GABRB3: variants seen among roughly 807,000 people sequenced by gnomAD.
GABRB3 encodes gamma-aminobutyric acid receptor subunit beta-3.
In GABRB3, 14 loss-of-function variants were observed where a neutral mutation model predicts 52.1. That is an observed-to-expected ratio of 0.27 (90% CI 0.18 to 0.42). GABRB3 has a LOEUF of 0.42. Ranked by LOEUF, GABRB3 falls within the 10% of genes least tolerant of loss-of-function variation. GABRB3 has a pLI of 1.00. For missense variants in GABRB3, 307 were observed against 609.1 expected (o/e 0.50, Z 5.22); for synonymous variants, 260 against 232.3 (o/e 1.12, Z -1.08).
At chr15:26,609,171 T>A (rs887238753) in intron 4 of GABRB3, among the ~76,000 whole-genome samples, 3 of 150,812 alleles carry the variant, frequency 2.0e-5, no homozygotes, top group African/African-American at 7.4e-5. Context: ...AAGAAAAAAA[T>A]TTTGTCAGTT....
At chr15:26,735,331 C>T (rs1209700632) in intron 3 of GABRB3, among the ~76,000 whole-genome samples, 1 of 152,142 alleles carries the variant, frequency 6.6e-6, no homozygotes, top group East Asian at 1.9e-4. Flanking sequence ...AACAGTGTGG[C>T]CTTTATAAAG....
intron 3 of GABRB3, among the ~76,000 whole-genome samples, chr15:26,719,207 A>C (rs1889580573): frequency 6.6e-6 from 1 of 152,266 alleles, no homozygotes; most frequent in Non-Finnish European, 1.5e-5. Context: ...CGCTAGGCAC[A>C]TGGCAGGTGC....
chr15:26,729,968 C>A, intron 3 of GABRB3, among the ~76,000 whole-genome samples: 1 of 152,200 alleles, frequency 6.6e-6, no homozygotes, highest in East Asian at 1.9e-4. Context: ...AAGTTAGGTG[C>A]ATAAGAGATA....
chr15:26,738,714 C>G (rs531009334), intron 3 of GABRB3, among the ~76,000 whole-genome samples: 1 of 152,122 alleles, frequency 6.6e-6, no homozygotes, highest in African/African-American at 2.4e-5. Flanking sequence ...TCCCAGACAA[C>G]GTGTAACTTT....
intron 4 of GABRB3, among the ~76,000 whole-genome samples, chr15:26,597,531 A>G (rs895570752): frequency 1.3e-5 from 2 of 152,210 alleles, no homozygotes; most frequent in Admixed American, 6.5e-5. Context: ...TTGCACACAC[A>G]TGAGCTACAT....
chr15:26,624,677 C>T lies in GABRB3; in HGVS notation c.241-3143G>A, dbSNP rs190260761. ...AAAAAACAGTATGAAAATCCAAACC[C>T]GCTGCATGTGATCAGCCATGTATGG... On this transcript the variant is annotated intron_variant, in intron 3 of 8. Coordinates refer to ENST00000311550, the MANE Select transcript of GABRB3 (RefSeq NM_000814.6). 18 of 984,976 alleles carry T rather than the reference C, an allele frequency of 1.8e-5. No homozygotes were observed. In the Admixed American group the frequency reaches 4.9e-4, roughly 27 times the overall value. The allele number at this position is 984,976 out of a possible 1,614,324, so 61.0% of individuals were successfully genotyped here. A position where few individuals can be genotyped will look rare whatever the true frequency, so the allele number is the denominator to read the frequency against.
intron 3 of GABRB3, among the ~76,000 whole-genome samples, chr15:26,740,460 G>A (rs1361376380): frequency 1.3e-5 from 2 of 152,028 alleles, no homozygotes; most frequent in African/African-American, 4.8e-5. Context: ...CCTGGGGACT[G>A]GGCTGTGTTC....
In GABRB3 at chr15:26,694,885, C is replaced by T. The variant is rs529997296; in HGVS notation, c.241-73351G>A. ...ACTAAATAAGGATTGAAAGAAAATG[C>T]TAGAAACCAAAAACACTGTAACAGC... On this transcript the variant is annotated intron_variant, in intron 3 of 8. Coordinates refer to ENST00000311550, the MANE Select transcript of GABRB3 (RefSeq NM_000814.6). Among the ~76,000 whole-genome samples the T allele has an allele frequency of 2.0e-4, 31 of 152,176 alleles. No individual in the cohort carries two copies. In the South Asian group the frequency reaches 5.6e-3, roughly 27 times the overall value.
In GABRB3 at chr15:26,543,931, T is replaced by C. The variant is rs953584685; in HGVS notation, c.*3862A>G. ...GGGAATTTAGTATTTCAGGAAAACATGGCGCCTTTCAATGCAGTAGAAGAG... is the reference window on the plus strand; with the variant it reads ...GGGAATTTAGTATTTCAGGAAAACACGGCGCCTTTCAATGCAGTAGAAGAG... On this transcript the variant is annotated 3_prime_UTR_variant, in exon 9 of 9. Transcript: ENST00000311550. The C allele has an allele frequency of 1.3e-5, 2 of 152,612 alleles. No individual in the cohort carries two copies. The highest frequency in any genetic ancestry group is 2.9e-5 in the Non-Finnish European group (2 of 68,046). The allele number at this position is 152,612 out of a possible 1,614,324, so 9.5% of individuals were successfully genotyped here.
rs140316880 is a variant in GABRB3, at chr15:26,716,539, G to A, written c.240+55863C>T. The A allele has an allele frequency of 1.2e-3, 1,111 of 965,538 alleles. 16 individuals carry two copies. The African/African-American group carries it at 0.017, about 15-fold the overall frequency. The allele number at this position is 965,538 out of a possible 1,614,324, so 59.8% of individuals were successfully genotyped here. ...GCAATGTGTGCAAGTTCCCCAAGCAGGTCAAACCCATAAACCGTCTTCACC... is the reference window on the plus strand; with the variant it reads ...GCAATGTGTGCAAGTTCCCCAAGCAAGTCAAACCCATAAACCGTCTTCACC... On this transcript the variant is annotated intron_variant, in intron 3 of 8. Transcript: ENST00000311550.
intron 3 of GABRB3, among the ~76,000 whole-genome samples, chr15:26,719,180 C>A (rs967686228): frequency 2.6e-5 from 4 of 152,264 alleles, no homozygotes; most frequent in Non-Finnish European, 4.4e-5. Context: ...GCTCTGCATG[C>A]GAAGCATTTG....
At chr15:26,756,879 CT>C (rs1388576414) in intron 3 of GABRB3, among the ~76,000 whole-genome samples, 2 of 152,106 alleles carry the variant, frequency 1.3e-5, no homozygotes, top group East Asian at 3.9e-4. Context: ...CTGAAAACCC[CT>C]GGAGATTCTT....
intron 3 of GABRB3, among the ~76,000 whole-genome samples, chr15:26,733,234 TA>T (rs1426233413): frequency 6.6e-6 from 1 of 152,114 alleles, no homozygotes; most frequent in African/African-American, 2.4e-5. Flanking sequence ...GATGATATGA[TA>T]TTTTATGTAG....
At chr15:26,569,901 T>C (rs894100916) in intron 6 of GABRB3, among the ~76,000 whole-genome samples, 4 of 152,244 alleles carry the variant, frequency 2.6e-5, no homozygotes, top group African/African-American at 9.6e-5. Context: ...GTTCTCTATA[T>C]TTAATCTTGT....
In GABRB3 at chr15:26,686,845, T is replaced by C. The variant is rs1888422999; in HGVS notation, c.241-65311A>G. 2.0e-5 allele frequency among the ~76,000 whole-genome samples: 3 copies of C among 152,224 alleles called. No homozygotes were observed. The South Asian group carries it at 6.2e-4, about 31-fold the overall frequency. On this transcript the variant is annotated intron_variant, in intron 3 of 8. Transcript: ENST00000311550. ...CAAAGTCTGCTTTGGAAGGAATATA[T>C]TTAACAGAAGCTCTACCTAGAGTGT...
Position 26,583,409 on chromosome 15 carries a change from G to A in GABRB3, c.467C>T (p.Thr156Ile), listed in dbSNP as rs78196007. ...GTCCATCATGCATGCTGCTGTCGTG[G>A]TGATTCTGAAATACACAGGGTGAGG... is the stretch of plus-strand genomic sequence containing the variant. ...DGTVLYGLRI[T>I]TTAACMMDLR... The change falls in exon 5 of 9, where the codon ACC becomes ATC. Residue 156 changes from threonine to isoleucine, a missense_variant. By Grantham distance (89) the Thr-to-Ile change is moderately conservative (BLOSUM62 -1). Transcript: ENST00000311550. 1 of 1,613,530 alleles carries A rather than the reference G, an allele frequency of 6.2e-7. No homozygotes were observed. The highest frequency in any genetic ancestry group is 8.5e-7 in the Non-Finnish European group (1 of 1,179,516).
At chr15:26,658,840 T>C (rs1393693389) in intron 3 of GABRB3, 4 of 152,246 alleles carry the variant, frequency 2.6e-5, no homozygotes, top group Non-Finnish European at 5.9e-5. Flanking sequence ...AACTGCTATG[T>C]TGCCAATTGA....
At chr15:26,608,004 A>C (rs2140512634) in intron 4 of GABRB3, among the ~76,000 whole-genome samples, 1 of 152,112 alleles carries the variant, frequency 6.6e-6, no homozygotes, top group East Asian at 1.9e-4. Context: ...CAAAATAGCT[A>C]AAGCAATCAT....
At chr15:26,744,039 C>A (rs1321330586) in intron 3 of GABRB3, among the ~76,000 whole-genome samples, 1 of 152,150 alleles carries the variant, frequency 6.6e-6, no homozygotes, top group Non-Finnish European at 1.5e-5. Flanking sequence ...GTACTTAATT[C>A]CCCTCCCAGT....
Sources: gnomAD v4.1 joint callset for allele counts (sites outside exome capture counted in the v4.1 genomes callset) on GRCh38, gnomAD v4.1.1 for gene constraint, MANE v1.5 for transcripts, NCBI Gene and HGNC (gene_info 2026-07-23, HGNC 2026-07-21) for gene names.